Variants in GRIK4 observed in about 807,000 individuals in gnomAD.
GRIK4 encodes glutamate ionotropic receptor kainate type subunit 4.
GRIK4 carries 40 observed loss-of-function variants against 104.9 expected under a neutral mutation model. The observed-to-expected ratio is 0.38, with a 90% confidence interval of 0.30 to 0.50. The LOEUF (loss-of-function observed/expected upper bound fraction) is 0.50, where lower values mean the gene tolerates loss of function less well. GRIK4 is among the 20% of genes least tolerant of loss of function. The pLI, the probability that GRIK4 is intolerant of heterozygous loss-of-function variation, is 0.93. For synonymous variants in GRIK4, 485 were observed against 524.9 expected (o/e 0.92, Z 1.04); for missense variants, 1,047 against 1,308.1 (o/e 0.80, Z 3.08).
At chr11:120,958,766 A>G (rs1415661491) in intron 16 of GRIK4, among the ~76,000 whole-genome samples, 1 of 152,200 alleles carries the variant, frequency 6.6e-6, no homozygotes, top group African/African-American at 2.4e-5. Flanking sequence ...GTGTGTAGCC[A>G]GAGTGTAGCC....
intron 8 of GRIK4, among the ~76,000 whole-genome samples, chr11:120,838,208 T>A (rs143742885): frequency 1.3e-5 from 2 of 152,144 alleles, no homozygotes; most frequent in East Asian, 3.9e-4. Context: ...AGGCCCAGAG[T>A]CAAGTCCTGA....
At chr11:120,632,642 C>G (rs12273151) in intron 1 of GRIK4, among the ~76,000 whole-genome samples, 1 of 152,102 alleles carries the variant, frequency 6.6e-6, no homozygotes, top group African/African-American at 2.4e-5. Flanking sequence ...AAACTTGGCT[C>G]TTCCAGGAAT....
Position 120,598,561 on chromosome 11 carries a change from T to A in GRIK4, c.-158-55124T>A, listed in dbSNP as rs181413601. 2.0e-3 allele frequency among the ~76,000 whole-genome samples: 305 copies of A among 152,210 alleles called. 1 individual carries two copies. The highest frequency in any genetic ancestry group is 0.016 in the Admixed American group (246 of 15,300). ...CCCAAAACTTAGTGGCTCAAGACAA[T>A]GAACTTGACTATTATTGATGGCTCT... On this transcript the variant is annotated intron_variant, in intron 1 of 20. Coordinates refer to ENST00000527524, the MANE Select transcript of GRIK4 (RefSeq NM_014619.5).
chr11:120,636,414 A>G lies in GRIK4; in HGVS notation c.-158-17271A>G, dbSNP rs192030956. ...AATGTCTGGCAGTGGTAGATGCTCA[A>G]AAGCATTAGTTGAGTGAAGGAACAA... is the stretch of plus-strand genomic sequence containing the variant. On this transcript the variant is annotated intron_variant, in intron 1 of 20. Transcript: ENST00000527524. 1.1e-4 allele frequency among the ~76,000 whole-genome samples: 16 copies of G among 152,344 alleles called. No homozygotes were observed. In the East Asian group the frequency reaches 2.5e-3, roughly 24 times the overall value.
chr11:120,783,738 T>A (rs910698219), intron 3 of GRIK4, among the ~76,000 whole-genome samples: 5 of 152,166 alleles, frequency 3.3e-5, no homozygotes, highest in African/African-American at 4.8e-5. Context: ...ACTAAGCATC[T>A]CTTTCAGGCA....
intron 1 of GRIK4, among the ~76,000 whole-genome samples, chr11:120,577,724 C>G (rs1948503732): frequency 6.6e-6 from 1 of 152,188 alleles, no homozygotes; most frequent in Non-Finnish European, 1.5e-5. Context: ...CAGTCCTCCC[C>G]AATTATACCA....
chr11:120,903,165 A>T lies in GRIK4; in HGVS notation c.1273-2125A>T, dbSNP rs574162381. The stretch of plus-strand genomic sequence containing the variant: ...TCGTGATGTGCAGGTTTCTCCATGC[A>T]CACCTGTACCCAAGCCCGATTGTCC... On this transcript the variant is annotated intron_variant, in intron 12 of 20. Coordinates refer to ENST00000527524, the MANE Select transcript of GRIK4 (RefSeq NM_014619.5). The surrounding 1 kb of genome is among the most constrained non-coding windows in gnomAD (Gnocchi z 4.4). Among the ~76,000 whole-genome samples the T allele has an allele frequency of 8.6e-5, 13 of 151,980 alleles. No homozygotes were observed. The South Asian group carries it at 2.7e-3, about 32-fold the overall frequency.
chr11:120,984,860 T>C (rs1194965548), intron 20 of GRIK4, among the ~76,000 whole-genome samples: 1 of 144,858 alleles, frequency 6.9e-6, no homozygotes, highest in African/African-American at 2.6e-5. Flanking sequence ...TCTCAGTCTG[T>C]CGCCCAAGCT....
chr11:120,551,899 A>G (rs963581298), intron 1 of GRIK4, among the ~76,000 whole-genome samples: 5 of 152,236 alleles, frequency 3.3e-5, no homozygotes, highest in African/African-American at 1.2e-4. Context: ...GGATAGCTGA[A>G]CACGTGGCGG....
intron 7 of GRIK4, among the ~76,000 whole-genome samples, chr11:120,833,235 G>A (rs1318689718): frequency 6.6e-6 from 1 of 152,026 alleles, no homozygotes; most frequent in Non-Finnish European, 1.5e-5. Flanking sequence ...GTCTGTGTGC[G>A]TATACCCAAC....
chr11:120,877,744 G>A (rs1207540349), intron 11 of GRIK4, among the ~76,000 whole-genome samples: 1 of 152,188 alleles, frequency 6.6e-6, no homozygotes. Flanking sequence ...GGGGAAAGGA[G>A]AAGGGGGTGG....
At chr11:120,843,166 C>T (rs985851215) in intron 8 of GRIK4, among the ~76,000 whole-genome samples, 3 of 152,244 alleles carry the variant, frequency 2.0e-5, no homozygotes, top group Non-Finnish European at 2.9e-5. Context: ...GTCTGCTGAC[C>T]ACTGAGCTGC....
intron 13 of GRIK4, among the ~76,000 whole-genome samples, chr11:120,908,241 G>A (rs1450758572): frequency 6.6e-6 from 1 of 152,170 alleles, no homozygotes; most frequent in Non-Finnish European, 1.5e-5. Context: ...TGGTCTGTCT[G>A]ATCTCAGTAC....
At chr11:120,677,689 A>G (rs995132848) in intron 3 of GRIK4, among the ~76,000 whole-genome samples, 1 of 152,200 alleles carries the variant, frequency 6.6e-6, no homozygotes, top group East Asian at 1.9e-4. Context: ...TCAGCTCTGG[A>G]GTTAGGCAGT....
chr11:120,572,869 C>T (rs1416863775), intron 1 of GRIK4, among the ~76,000 whole-genome samples: 2 of 152,108 alleles, frequency 1.3e-5, no homozygotes, highest in African/African-American at 2.4e-5. Context: ...AATGACCCAA[C>T]TAAGGCCATT....
chr11:120,934,142 T>C, intron 13 of GRIK4, among the ~76,000 whole-genome samples: 1 of 137,516 alleles, frequency 7.3e-6, no homozygotes, highest in African/African-American at 2.9e-5. Context: ...GAGGCGGAGG[T>C]TGCAGTGAGC....
In GRIK4 at chr11:120,792,235, C is replaced by CGTGT. The variant is rs557044477; in HGVS notation, c.83-10444_83-10441dup. 5.3e-5 allele frequency among the ~76,000 whole-genome samples: 8 copies of CGTGT among 149,656 alleles called. No individual in the cohort carries two copies. The East Asian group carries it at 9.8e-4, about 18-fold the overall frequency. ...AAGGTGTGCAGGCATGCAGCAGCACCGTGTGTGTGTGTGTGTGCGTGTGTG... is the reference window on the plus strand; with the variant it reads ...AAGGTGTGCAGGCATGCAGCAGCACCGTGTGTGTGTGTGTGTGTGTGCGTGTGTG... On this transcript the variant is annotated intron_variant, in intron 3 of 20. Coordinates refer to ENST00000527524, the MANE Select transcript of GRIK4 (RefSeq NM_014619.5).
intron 1 of GRIK4, among the ~76,000 whole-genome samples, chr11:120,641,081 C>T (rs1013557188): frequency 6.6e-6 from 1 of 152,232 alleles, no homozygotes; most frequent in Non-Finnish European, 1.5e-5. Flanking sequence ...CTTTGAACTT[C>T]GTGGCATAGC....
chr11:120,516,668 G>C (rs1423521340), intron 1 of GRIK4, among the ~76,000 whole-genome samples: 3 of 152,270 alleles, frequency 2.0e-5, no homozygotes, highest in Middle Eastern at 3.4e-3. Context: ...AGGCGAAAGG[G>C]GGGTAAGCTT....
Sources: gnomAD v4.1 joint callset for allele counts (sites outside exome capture counted in the v4.1 genomes callset) on GRCh38, gnomAD v4.1.1 for gene constraint, Gnocchi (gnomAD v3.1) non-coding constraint, MANE v1.5 for transcripts, NCBI Gene and HGNC (gene_info 2026-07-23, HGNC 2026-07-21) for gene names.